CEACAM5: variants seen among roughly 807,000 people sequenced by gnomAD.
CEACAM5 encodes the protein cell adhesion molecule CEACAM5.
Under a neutral mutation model 63.0 loss-of-function variants are expected in CEACAM5, and 52 were observed. The observed-to-expected ratio is 0.83, with a 90% confidence interval of 0.66 to 1.04. The LOEUF (loss-of-function observed/expected upper bound fraction) is 1.04, where lower values mean the gene tolerates loss of function less well. Ranked by LOEUF, CEACAM5 falls within the 50% of genes least tolerant of loss-of-function variation. The pLI is 0.00. For synonymous variants in CEACAM5, 357 were observed against 351.3 expected, an observed-to-expected ratio of 1.02 and a Z score of -0.18; for missense variants, 790 against 864.8, an observed-to-expected ratio of 0.91 and a Z score of 1.08.
At position 41,709,844 on chromosome 19, in the gene CEACAM5, C is replaced by T. The variant is rs781851303; in HGVS notation, c.229C>T (p.Arg77Cys). 38 of 1,613,912 alleles carry T rather than the reference C, an allele frequency of 2.4e-5. No individual in the cohort carries two copies. The highest frequency in any genetic ancestry group is 1.6e-4 in the Middle Eastern group (1 of 6,084). Residue 77 changes from arginine (R) to cysteine (C), a missense_variant, in exon 2 of 10, where the codon CGT becomes TGT. By Grantham distance (180) the Arg-to-Cys change is radical (BLOSUM62 -3). Coordinates refer to ENST00000221992, the MANE Select transcript of CEACAM5 (RefSeq NM_004363.6). The part of the protein sequence containing the change: ...WYKGERVDGN[R>C]QIIGYVIGTQ... Reference sequence around the variant, plus strand: ...CAAAGGTGAAAGAGTGGATGGCAACCGTCAAATTATAGGATATGTAATAGG... The same window carrying T: ...CAAAGGTGAAAGAGTGGATGGCAACTGTCAAATTATAGGATATGTAATAGG...
In CEACAM5 at chr19:41,717,617, A is replaced by G. The variant is rs782501998; in HGVS notation, c.1121A>G (p.Asp374Gly). The change falls in exon 5 of 10, where the codon GAC becomes GGC. Residue 374 changes from aspartate (D) to glycine (G), a missense_variant. Physicochemically the swap from Asp to Gly is moderately conservative, Grantham distance 94. Transcript: ENST00000221992. ...PVSPRLQLSNDNRTLTLLSVT... is the reference protein window; with the variant it reads ...PVSPRLQLSNGNRTLTLLSVT... ...AGTCCCAGGCTGCAGCTGTCCAATG[A>G]CAACAGGACCCTCACTCTACTCAGT... The G allele has an allele frequency of 3.1e-6, 5 of 1,614,220 alleles. No individual in the cohort carries two copies. The highest frequency in any genetic ancestry group is 3.3e-5 in the Admixed American group (2 of 60,024).
At position 41,709,968 on chromosome 19, in the gene CEACAM5, G is replaced by C. The variant is rs782323435; in HGVS notation, c.353G>C (p.Gly118Ala). 6 of 1,613,732 alleles carry C rather than the reference G, an allele frequency of 3.7e-6. No individual in the cohort carries two copies. Among genetic ancestry groups the C allele is most frequent in the Non-Finnish European group, 5.1e-6 (6 of 1,179,836 alleles). ...LIQNIIQNDT[G>A]FYTLHVIKSD... ...CAGAACATCATCCAGAATGACACAG[G>C]ATTCTACACCCTACACGTCATAAAG... Residue 118 changes from glycine to alanine, a missense_variant, in exon 2 of 10, where the codon GGA becomes GCA. Transcript: ENST00000221992.
chr19:41,715,587 T>C (rs1368636603), intron 3 of CEACAM5, 63 bp from the exon 4 acceptor site: 20 of 1,595,938 alleles, frequency 1.3e-5, no homozygotes, highest in African/African-American at 4.0e-5. Context: ...GGTCCTTCCA[T>C]AGACCAGGAA....
rs1305241152 is a variant in CEACAM5 at position 41,730,101 on chromosome 19, A to G, written c.*954A>G. Among the ~76,000 whole-genome samples, 1 of 152,156 alleles carries G rather than the reference A, an allele frequency of 6.6e-6. No homozygotes were observed. Among genetic ancestry groups the G allele is most frequent in the African/African-American group, 2.4e-5 (1 of 41,426 alleles). On this transcript the variant is annotated 3_prime_UTR_variant, in exon 10 of 10. Coordinates refer to ENST00000221992, the MANE Select transcript of CEACAM5 (RefSeq NM_004363.6). Reference sequence around the variant, plus strand: ...AAAGTTTAATCTGAGATTCCTTATAAAAACTTCCAGCAAAGCAACTTTAAA... The same window carrying G: ...AAAGTTTAATCTGAGATTCCTTATAGAAACTTCCAGCAAAGCAACTTTAAA...
rs144281915 is a variant in CEACAM5 at position 41,726,674 on chromosome 19, A to G, written c.2027-560A>G. 3.7e-3 allele frequency among the ~76,000 whole-genome samples: 559 copies of G among 152,364 alleles called. 4 individuals carry two copies. The highest frequency in any genetic ancestry group is 6.1e-3 in the Non-Finnish European group (413 of 68,036). On this transcript the variant is annotated intron_variant, in intron 8 of 9. Transcript: ENST00000221992. ...AGAAGGAGAAAGAGGAGAGAGTTTT[A>G]GATAGTGATGCAGTTCTCAGAGTTT...
At chr19:41,714,830 G>C (rs2072493328) in intron 2 of CEACAM5, 141 bp from the exon 3 acceptor site, 1 of 1,466,076 alleles carries the variant, frequency 6.8e-7, no homozygotes, top group South Asian at 1.3e-5. Flanking sequence ...TCGTGCATCT[G>C]TCTTGTGACA....
In CEACAM5 at chr19:41,720,287, C is replaced by T. The variant is rs2072598555; in HGVS notation, c.1771+79C>T. On this transcript the variant is annotated intron_variant, in intron 7 of 9. Transcript: ENST00000221992. The stretch of plus-strand genomic sequence containing the variant: ...CCAGAGGCCAGGACTCTCAGTTCTC[C>T]TCAGGTCCAAAGAGGCAGACTCCCA... 4 of 1,514,694 alleles carry T rather than the reference C, an allele frequency of 2.6e-6. No individual in the cohort carries two copies. In the Admixed American group the frequency reaches 7.1e-5, roughly 27 times the overall value. The allele number at this position is 1,514,694 out of a possible 1,614,324, so 93.8% of individuals were successfully genotyped here.
chr19:41,720,168 G>T lies in CEACAM5; in HGVS notation c.1731G>T (p.Val577=). 1.2e-6 allele frequency: 2 copies of T among 1,614,272 alleles called. No homozygotes were observed. Among genetic ancestry groups the T allele is most frequent in the Non-Finnish European group, 8.5e-7 (1 of 1,180,048 alleles). Residue 577 remains valine (V), a synonymous_variant, in exon 7 of 10, where the codon GTG becomes GTT. Coordinates refer to ENST00000221992, the MANE Select transcript of CEACAM5 (RefSeq NM_004363.6). The part of the protein sequence containing the change: ...RAYVCGIQNS[V]SANRSDPVTL... ...ATGTATGTGGAATCCAGAACTCAGT[G>T]AGTGCAAACCGCAGTGACCCAGTCA...
intron 2 of CEACAM5, among the ~76,000 whole-genome samples, chr19:41,712,016 C>CT (rs1301543940): frequency 6.6e-6 from 1 of 152,308 alleles, no homozygotes; most frequent in Non-Finnish European, 1.5e-5. Flanking sequence ...GCCCAGGGCT[C>CT]TTTACTTCCA....
In CEACAM5 at chr19:41,718,003, A is replaced by T. The variant is rs1407968774; in HGVS notation, c.1238-125A>T. ...CAGACTCTGGCTAATTGGATACAGT[A>T]GGGGTTTGGTTAGGACTTCAGGATT... On this transcript the variant is annotated intron_variant, in intron 5 of 9. Transcript: ENST00000221992. 3 of 1,163,166 alleles carry T rather than the reference A, an allele frequency of 2.6e-6. No homozygotes were observed. The Admixed American group carries it at 6.4e-5, about 25-fold the overall frequency. 72.1% of individuals were successfully genotyped at this position (1,163,166 alleles called of 1,614,324 possible).
chr19:41,718,426 ATC>A (rs373783490), intron 6 of CEACAM5, 44 bp downstream of exon 6: 1,289 of 1,597,230 alleles, frequency 8.1e-4, no homozygotes, highest in Non-Finnish European at 9.9e-4. Flanking sequence ...CTGGAGCGGA[ATC>A]TGTCTGGTTT....
intron 8 of CEACAM5, among the ~76,000 whole-genome samples, chr19:41,725,810 C>T (rs11878262): frequency 0.38 from 57,570 of 151,954 alleles, 11,189 homozygotes; most frequent in African/African-American, 0.46. Context: ...TTTCAATTTT[C>T]CATTTTATTT....
intron 2 of CEACAM5, among the ~76,000 whole-genome samples, chr19:41,712,735 T>C (rs1324952619): frequency 6.6e-6 from 1 of 152,236 alleles, no homozygotes; most frequent in Non-Finnish European, 1.5e-5. Context: ...GACCTAAACC[T>C]TAGCATAATA....
At chr19:41,713,016 C>T (rs557270857) in intron 2 of CEACAM5, among the ~76,000 whole-genome samples, 10 of 152,144 alleles carry the variant, frequency 6.6e-5, no homozygotes, top group Non-Finnish European at 1.5e-4. Context: ...AAAAGAAATG[C>T]TCACTGAAGG....
At chr19:41,726,299 T>C (rs550419505) in intron 8 of CEACAM5, among the ~76,000 whole-genome samples, 1 of 152,340 alleles carries the variant, frequency 6.6e-6, no homozygotes, top group Admixed American at 6.5e-5. Flanking sequence ...ATCTGTAAGA[T>C]GGAAATCATG....
At chr19:41,722,344 A>G (rs185459922) in intron 8 of CEACAM5, among the ~76,000 whole-genome samples, 3 of 148,942 alleles carry the variant, frequency 2.0e-5, no homozygotes, top group Admixed American at 6.8e-5. Context: ...AGCCTGGGTG[A>G]CAGAGTGAGA....
intron 8 of CEACAM5, among the ~76,000 whole-genome samples, chr19:41,727,031 C>A (rs998700364): frequency 6.6e-6 from 1 of 152,124 alleles, no homozygotes; most frequent in Non-Finnish European, 1.5e-5. Context: ...TGCAGACAGG[C>A]CAGGGTGGAA....
chr19:41,717,417 T>C, intron 4 of CEACAM5, 38 bp from the exon 5 acceptor site: 1 of 1,587,746 alleles, frequency 6.3e-7, no homozygotes. Flanking sequence ...GAATCACAGG[T>C]GCCACACAGG....
In CEACAM5 at chr19:41,715,227, T is replaced by C; in HGVS notation, c.681T>C (p.Asp227=). 6.2e-7 allele frequency: 1 copy of C among 1,614,194 alleles called. No homozygotes were observed. Among genetic ancestry groups the C allele is most frequent in the Non-Finnish European group, 8.5e-7 (1 of 1,180,016 alleles). ...TQNPVSARRS[D]SVILNVLYGP... ...ACCCAGTGAGTGCCAGGCGCAGTGA[T>C]TCAGTCATCCTGAATGTCCTCTGTG... The change falls in exon 3 of 10, where the codon GAT becomes GAC. Residue 227 remains aspartate (D), a synonymous_variant. Transcript: ENST00000221992.
Sources: allele counts gnomAD v4.1 joint callset (sites outside exome capture counted in the v4.1 genomes callset), GRCh38; gene constraint gnomAD v4.1.1; transcripts MANE v1.5; gene names NCBI Gene and HGNC (gene_info 2026-07-23, HGNC 2026-07-21).